Variants in CLVS1 observed in about 807,000 individuals in gnomAD.
CLVS1 encodes clavesin-1.
In CLVS1, 10 loss-of-function variants were observed where a neutral mutation model predicts 33.1. That is an observed-to-expected ratio of 0.30 (90% CI 0.19 to 0.51). CLVS1 has a LOEUF of 0.51. Ranked by LOEUF, CLVS1 falls within the 20% of genes least tolerant of loss-of-function variation. CLVS1 has a pLI of 0.97. For synonymous variants in CLVS1, 163 were observed against 166.1 expected, an observed-to-expected ratio of 0.98 and a Z score of 0.14; for missense variants, 343 against 433.4, an observed-to-expected ratio of 0.79 and a Z score of 1.85.
intron 3 of CLVS1, among the ~76,000 whole-genome samples, chr8:61,387,587 G>A (rs1162918526): frequency 6.6e-6 from 1 of 150,832 alleles, no homozygotes; most frequent in African/African-American, 2.4e-5. Flanking sequence ...CACCCGAGCA[G>A]TGTACACTGT....
At chr8:61,496,311 G>A (rs1304610311) in intron 5 of CLVS1, among the ~76,000 whole-genome samples, 9 of 152,148 alleles carry the variant, frequency 5.9e-5, no homozygotes, top group Admixed American at 3.9e-4. Flanking sequence ...CACAGGGTCC[G>A]TAGGTCAAAG....
chr8:61,405,703 CTTTT>C (rs775749517), intron 3 of CLVS1, among the ~76,000 whole-genome samples: 5 of 124,790 alleles, frequency 4.0e-5, no homozygotes, highest in Admixed American at 1.6e-4. Flanking sequence ...GTGGAACTGA[CTTTT>C]TTTTTTTTTT....
chr8:61,438,259 A>G (rs1337430227), intron 3 of CLVS1, among the ~76,000 whole-genome samples: 1 of 152,086 alleles, frequency 6.6e-6, no homozygotes, highest in Non-Finnish European at 1.5e-5. Context: ...GCTCCCACTT[A>G]TAAGTGAGAA....
At chr8:61,335,405 C>A (rs569588118) in intron 2 of CLVS1, among the ~76,000 whole-genome samples, 3 of 152,310 alleles carry the variant, frequency 2.0e-5, no homozygotes, top group Admixed American at 2.0e-4. Flanking sequence ...AGGTTAGAAG[C>A]AAGATGGAGT....
intron 1 of CLVS1, 79 bp downstream of exon 1, chr8:61,288,217 C>T: frequency 4.4e-6 from 2 of 456,332 alleles, no homozygotes; most frequent in Non-Finnish European, 8.8e-6. Flanking sequence ...GCCATGGCTG[C>T]GGCGTTTCAG....
chr8:60,997,740 G>C, the CLVS1 span, among the ~76,000 whole-genome samples: 1 of 152,214 alleles, frequency 6.6e-6, no homozygotes, highest in Non-Finnish European at 1.5e-5. Context: ...TAGAAGCTGT[G>C]CCACCAACGA....
In CLVS1 at chr8:61,177,311, T is replaced by A. The variant is rs568930641; in HGVS notation, c.-152+45451T>A. ...AGGAACTTCAACTGCAGCCAGGGGCTCAGGGTCAGAACTCTGATCTCACTG... is the reference window on the plus strand; with the variant it reads ...AGGAACTTCAACTGCAGCCAGGGGCACAGGGTCAGAACTCTGATCTCACTG... On this transcript the variant is annotated intron_variant, in intron 2 of 2. Coordinates refer to the CLVS1 transcript ENST00000522621. Among the ~76,000 whole-genome samples, 4 of 152,194 alleles carry A rather than the reference T, an allele frequency of 2.6e-5. No individual in the cohort carries two copies. The South Asian group carries it at 8.3e-4, about 32-fold the overall frequency.
chr8:61,040,797 G>T, the CLVS1 span, among the ~76,000 whole-genome samples: 1 of 152,152 alleles, frequency 6.6e-6, no homozygotes, highest in Non-Finnish European at 1.5e-5. Context: ...TTACTCTGTT[G>T]ATAGTTTCTT....
chr8:61,188,011 C>T (rs1188860601), intron 2 of CLVS1, among the ~76,000 whole-genome samples: 1 of 151,984 alleles, frequency 6.6e-6, no homozygotes, highest in East Asian at 1.9e-4. Context: ...GGAAGCTAGT[C>T]CTGAGGTAAT....
At chr8:61,104,929 A>G (rs1414168547) in intron 1 of CLVS1, among the ~76,000 whole-genome samples, 1 of 152,164 alleles carries the variant, frequency 6.6e-6, no homozygotes, top group Non-Finnish European at 1.5e-5. Context: ...CCTGGGTTCA[A>G]GCAATTCTCC....
the CLVS1 span, among the ~76,000 whole-genome samples, chr8:60,981,844 C>T: frequency 2.6e-5 from 4 of 152,220 alleles, no homozygotes; most frequent in African/African-American, 9.6e-5. Context: ...AGCGGGACCC[C>T]TCATGAGGGC....
intron 2 of CLVS1, among the ~76,000 whole-genome samples, chr8:61,205,226 A>T (rs1807815284): frequency 6.6e-6 from 1 of 152,168 alleles, no homozygotes; most frequent in Non-Finnish European, 1.5e-5. Flanking sequence ...TTGTGCAATG[A>T]TCACCACTGT....
rs548397760 is a variant in CLVS1 at position 61,405,050 on chromosome 8, A to G, written c.630+28271A>G. Among the ~76,000 whole-genome samples the G allele has an allele frequency of 2.0e-5, 3 of 152,200 alleles. No individual in the cohort carries two copies. In the South Asian group the frequency reaches 6.2e-4, roughly 32 times the overall value. ...GAAACAGCTGCTGCTTGAGTCACCA[A>G]CAATGCACTGCTGAGTATGTTTGAA... On this transcript the variant is annotated intron_variant, in intron 3 of 5. Coordinates refer to ENST00000325897, the MANE Select transcript of CLVS1 (RefSeq NM_173519.3).
At chr8:61,283,080 T>A (rs192671218), upstream of CLVS1, among the ~76,000 whole-genome samples, 59 of 152,340 alleles carry the variant, frequency 3.9e-4, no homozygotes, top group African/African-American at 1.2e-3. Context: ...GTCTTTACTG[T>A]AGCAATTCAT....
the CLVS1 span, among the ~76,000 whole-genome samples, chr8:61,014,232 C>T: frequency 2.0e-5 from 3 of 151,900 alleles, no homozygotes; most frequent in Admixed American, 2.0e-4. Context: ...TTAAGATATT[C>T]CCCCTTGTGG....
rs565592701 is a variant in CLVS1 at position 61,130,055 on chromosome 8, T to C, written c.-242-1715T>C. On this transcript the variant is annotated intron_variant, in intron 1 of 2. Coordinates refer to the CLVS1 transcript ENST00000522621. Reference sequence around the variant, plus strand: ...GAGTTTGAGACTAGCCTGGCTAACATGGTGAAACCCCATCTCTACTAAAAA... The same window carrying C: ...GAGTTTGAGACTAGCCTGGCTAACACGGTGAAACCCCATCTCTACTAAAAA... 7.9e-5 allele frequency among the ~76,000 whole-genome samples: 12 copies of C among 151,982 alleles called. No individual in the cohort carries two copies. In the East Asian group the frequency reaches 2.3e-3, roughly 29 times the overall value.
chr8:61,259,169 C>T (rs972707079), intron 2 of CLVS1, among the ~76,000 whole-genome samples: 1 of 152,184 alleles, frequency 6.6e-6, no homozygotes, highest in Non-Finnish European at 1.5e-5. Flanking sequence ...CCAGCGAGCA[C>T]ATCTAAAAAA....
upstream of CLVS1, among the ~76,000 whole-genome samples, chr8:61,053,122 G>C (rs182126072): frequency 6.6e-6 from 1 of 152,130 alleles, no homozygotes; most frequent in African/African-American, 2.4e-5. Context: ...GAGTGGGGTC[G>C]ACCAGGAGCT....
chr8:61,387,452 C>T (rs1814128681), intron 3 of CLVS1, among the ~76,000 whole-genome samples: 1 of 148,148 alleles, frequency 6.8e-6, no homozygotes, highest in Non-Finnish European at 1.5e-5. Context: ...AGACAAAATT[C>T]CACTGTACAG....
Sources: gnomAD v4.1 joint callset for allele counts (sites outside exome capture counted in the v4.1 genomes callset) on GRCh38, gnomAD v4.1.1 for gene constraint, MANE v1.5 for transcripts, NCBI Gene and HGNC (gene_info 2026-07-23, HGNC 2026-07-21) for gene names.